DNAH12: variants seen among roughly 807,000 people sequenced by gnomAD.
DNAH12 encodes the protein axonemal beta dynein heavy chain 12.
Under a neutral mutation model 371.5 loss-of-function variants are expected in DNAH12, and 285 were observed. The ratio of observed to expected loss-of-function variants is 0.77; its 90% confidence interval spans 0.70 to 0.85. DNAH12 has a LOEUF of 0.85. DNAH12 is among the 40% of genes least tolerant of loss of function. The probability of loss-of-function intolerance (pLI) is 0.00; values close to 1 mark genes in which losing one functional copy is unlikely to be tolerated. For synonymous variants in DNAH12, 1,200 were observed against 1,213.0 expected, an observed-to-expected ratio of 0.99 and a Z score of 0.22; for missense variants, 3,611 against 3,689.4, an observed-to-expected ratio of 0.98 and a Z score of 0.55.
intron 69 of DNAH12, among the ~76,000 whole-genome samples, chr3:57,308,488 G>C (rs1028962803): frequency 1.3e-5 from 2 of 152,122 alleles, no homozygotes; most frequent in Non-Finnish European, 2.9e-5. Flanking sequence ...CTCCTGTATA[G>C]ACACTCCTTT....
At chr3:57,438,917 A>AC (rs1476472593) in intron 29 of DNAH12, among the ~76,000 whole-genome samples, 2 of 130,548 alleles carry the variant, frequency 1.5e-5, no homozygotes, top group African/African-American at 6.0e-5. Context: ...TCTGTCTCAG[A>AC]CAAAAAAAAA....
intron 44 of DNAH12, among the ~76,000 whole-genome samples, chr3:57,392,699 G>C (rs906707874): frequency 3.0e-4 from 45 of 152,102 alleles, no homozygotes; most frequent in African/African-American, 1.1e-3. Context: ...ACAGTATATA[G>C]AATATGATCC....
At chr3:57,553,558 G>A in the DNAH12 span, among the ~76,000 whole-genome samples, 1 of 152,138 alleles carries the variant, frequency 6.6e-6, no homozygotes, top group Non-Finnish European at 1.5e-5. Flanking sequence ...AGACACACAC[G>A]TTTCCAGGCT....
In DNAH12 at chr3:57,504,869, T is replaced by C. The variant is rs190367262; in HGVS notation, c.898-665A>G. Among the ~76,000 whole-genome samples the C allele has an allele frequency of 1.4e-3, 214 of 151,694 alleles. 2 individuals carry two copies. The East Asian group carries it at 0.032, about 23-fold the overall frequency. On this transcript the variant is annotated intron_variant, in intron 8 of 73. Coordinates refer to ENST00000495027, the MANE Select transcript of DNAH12 (RefSeq NM_001366028.2). ...TTTTTTCTTTTCTTTTTTTCTCTCTTTTTTTTTCTTTTTTCTTTTTGTTTG... is the reference window on the plus strand; with the variant it reads ...TTTTTTCTTTTCTTTTTTTCTCTCTCTTTTTTTCTTTTTTCTTTTTGTTTG...
At chr3:57,336,952 A>G (rs2062238058) in intron 60 of DNAH12, among the ~76,000 whole-genome samples, 1 of 152,228 alleles carries the variant, frequency 6.6e-6, no homozygotes, top group Non-Finnish European at 1.5e-5. Context: ...CCCAATTAAA[A>G]TATATAAACT....
chr3:57,405,835 C>G lies in DNAH12; in HGVS notation c.6394G>C (p.Val2132Leu), dbSNP rs1460187665. 1.3e-6 allele frequency: 2 copies of G among 1,551,660 alleles called. No homozygotes were observed. Among genetic ancestry groups the G allele is most frequent in the South Asian group, 1.2e-5 (1 of 84,064 alleles). ...RGCLLIERDA[V>L]ANKHTMIRLF... ...CGGATCATAGTGTGTTTGTTCGCCA[C>G]GGCGTCTCTTTCAATGAGTAAACAG... Residue 2132 changes from valine (V) to leucine (L), a missense_variant, in exon 41 of 74, where the codon GTG becomes CTG. Val to Leu is a conservative substitution (Grantham distance 32). Transcript: ENST00000495027.
In DNAH12 at chr3:57,498,567, G is replaced by T. The variant is rs769836826; in HGVS notation, c.1335+2754C>A. ...GAAAGAGAAATGAAAGCATATGTCC[G>T]CACAAAGACTTGTAAACAGAAGACC... On this transcript the variant is annotated intron_variant, in intron 11 of 73. Coordinates refer to ENST00000495027, the MANE Select transcript of DNAH12 (RefSeq NM_001366028.2). The T allele has an allele frequency of 5.6e-6, 4 of 716,618 alleles. No homozygotes were observed. The East Asian group carries it at 1.1e-4, about 19-fold the overall frequency. 44.4% of individuals were successfully genotyped at this position (716,618 alleles called of 1,614,324 possible). A position where few individuals can be genotyped will look rare whatever the true frequency, so the allele number is the denominator to read the frequency against.
chr3:57,471,385 AT>A (rs1469414477), intron 15 of DNAH12, 86 bp downstream of exon 15: 8 of 1,261,762 alleles, frequency 6.3e-6, no homozygotes, highest in Non-Finnish European at 8.2e-6. Flanking sequence ...TAGTAAACAT[AT>A]TTTTCTATAC....
At chr3:57,550,644 C>T in the DNAH12 span, among the ~76,000 whole-genome samples, 14 of 151,762 alleles carry the variant, frequency 9.2e-5, no homozygotes, top group Non-Finnish European at 7.4e-5. Context: ...TCCCAAGCAG[C>T]TGGGACTACA....
At chr3:57,358,084 A>T (rs2062841803) in intron 58 of DNAH12, among the ~76,000 whole-genome samples, 1 of 152,138 alleles carries the variant, frequency 6.6e-6, no homozygotes, top group Non-Finnish European at 1.5e-5. Context: ...CTATCCACAG[A>T]CTCTGATGAA....
chr3:57,508,402 C>T lies in DNAH12; in HGVS notation c.681G>A (p.Leu227=), dbSNP rs1348407499. 1 of 1,605,494 alleles carries T rather than the reference C, an allele frequency of 6.2e-7. No homozygotes were observed. The highest frequency in any genetic ancestry group is 1.3e-5 in the African/African-American group (1 of 74,404). The part of the protein sequence containing the change: ...LGYTTFADTV[L]LDFTGIRAKG... ...TTTACCTAATTCCTGTGAAGTCCAA[C>T]AAAACTGTATCAGCAAATGTTGTAT... The change falls in exon 7 of 74, where the codon TTG becomes TTA. Residue 227 remains leucine, a synonymous_variant. Coordinates refer to ENST00000495027, the MANE Select transcript of DNAH12 (RefSeq NM_001366028.2).
rs774552754 is a variant in DNAH12, at chr3:57,507,799, A to T, written c.741T>A (p.Asp247Glu). ...CTGCGTTTCTAGTTTGTATTGATAG[A>T]TCAGTTTTCAGTGATTCACAGTCAA... is the stretch of plus-strand genomic sequence containing the variant. ...GPIDCESLKT[D>E]LSIQTRNAEE... Residue 247 changes from aspartate to glutamate, a missense_variant, in exon 8 of 74, where the codon GAT becomes GAA. This residue lies in a region of DNAH12 where 1,314 missense variants were observed against 1,398.7 expected (regional missense o/e 0.94). Transcript: ENST00000495027. 1 of 1,595,522 alleles carries T rather than the reference A, an allele frequency of 6.3e-7. No individual in the cohort carries two copies. Among genetic ancestry groups the T allele is most frequent in the Non-Finnish European group, 8.5e-7 (1 of 1,176,470 alleles).
At position 57,446,602 on chromosome 3, in the gene DNAH12, C is replaced by CT; in HGVS notation, c.3873dup (p.Ala1292SerfsTer13). ...AACACCACACACTGTACAGCAAGAGCTTTAGCCAAGTCCTTGGTGGTTTCG... is the reference window on the plus strand; with the variant it reads ...AACACCACACACTGTACAGCAAGAGCTTTTAGCCAAGTCCTTGGTGGTTTCG... On this transcript the variant is annotated frameshift_variant, in exon 26 of 74. Transcript: ENST00000495027. LOFTEE classifies it high-confidence loss of function. The CT allele has an allele frequency of 6.4e-7, 1 of 1,550,676 alleles. No homozygotes were observed. Among genetic ancestry groups the CT allele is most frequent in the Non-Finnish European group, 8.7e-7 (1 of 1,146,370 alleles).
At chr3:57,393,972 T>C (rs1417213592) in intron 44 of DNAH12, among the ~76,000 whole-genome samples, 199 bp downstream of exon 44, 1 of 152,024 alleles carries the variant, frequency 6.6e-6, no homozygotes, top group African/African-American at 2.4e-5. Context: ...AAGATAGGAG[T>C]TATAAAAATT....
intron 58 of DNAH12, among the ~76,000 whole-genome samples, chr3:57,360,644 G>A (rs1482896219): frequency 6.6e-6 from 1 of 152,010 alleles, no homozygotes; most frequent in Non-Finnish European, 1.5e-5. Context: ...CCAAGATGGT[G>A]CCATTGTACT....
At chr3:57,440,247 A>G (rs2065261874) in intron 29 of DNAH12, among the ~76,000 whole-genome samples, 1 of 152,252 alleles carries the variant, frequency 6.6e-6, no homozygotes, top group Non-Finnish European at 1.5e-5. Context: ...CCACAGCACT[A>G]TTCACAATAG....
Position 57,458,007 on chromosome 3 carries a change from G to A in DNAH12, c.3054-4C>T, listed in dbSNP as rs2065949728. 25 of 1,542,436 alleles carry A rather than the reference G, an allele frequency of 1.6e-5. No homozygotes were observed. Among genetic ancestry groups the A allele is most frequent in the Admixed American group, 2.0e-5 (1 of 49,152 alleles). ...ATCATTAGATAAGAAGAAAAAACTAGGGAAAAACATGCAAATACAAAAGTT... is the reference window on the plus strand; with the variant it reads ...ATCATTAGATAAGAAGAAAAAACTAAGGAAAAACATGCAAATACAAAAGTT... On this transcript the variant is annotated splice_region_variant and splice_polypyrimidine_tract_variant and intron_variant, in intron 21 of 73. Transcript: ENST00000495027.
chr3:57,509,243 GA>G (rs773870571), intron 5 of DNAH12, 31 bp from the exon 6 acceptor site: 8 of 1,578,530 alleles, frequency 5.1e-6, no homozygotes, highest in Middle Eastern at 1.7e-4. Context: ...AATGCTTCTT[GA>G]AAATCTCTGC....
chr3:57,420,308 C>T (rs965968768), intron 36 of DNAH12, among the ~76,000 whole-genome samples: 5 of 152,142 alleles, frequency 3.3e-5, no homozygotes, highest in African/African-American at 4.8e-5. Context: ...CCCTAAGACC[C>T]GATTCCAGAG....
Sources: allele counts gnomAD v4.1 joint callset (sites outside exome capture counted in the v4.1 genomes callset), GRCh38; gene constraint gnomAD v4.1.1; regional missense constraint gnomAD v4.1.1; transcripts MANE v1.5; gene names NCBI Gene and HGNC (gene_info 2026-07-23, HGNC 2026-07-21).